The following CSMD1 variants were observed in gnomAD, a reference collection of about 807,000 sequenced individuals.
The protein encoded by CSMD1 is CUB and Sushi multiple domains 1, also known as CUB and sushi domain-containing protein 1.
In CSMD1, 213 loss-of-function variants were observed where a neutral mutation model predicts 417.5. The observed-to-expected ratio is 0.51, with a 90% CI of 0.46 to 0.57. CSMD1 has a LOEUF of 0.57. CSMD1 is among the 20% of genes least tolerant of loss of function. The pLI, the probability that CSMD1 is intolerant of heterozygous loss-of-function variation, is 0.00. For missense variants in CSMD1, 6,923 were observed against 4,529.7 expected, an observed-to-expected ratio of 1.53 and a Z score of -15.17; for synonymous variants, 2,862 against 1,736.8, an observed-to-expected ratio of 1.65 and a Z score of -16.11.
intron 11 of CSMD1, among the ~76,000 whole-genome samples, chr8:3,479,467 A>G (rs1335113680): frequency 1.3e-5 from 2 of 152,078 alleles, no homozygotes; most frequent in Admixed American, 6.6e-5. Flanking sequence ...TTTAGTACAT[A>G]TGGGGTTTCT....
intron 1 of CSMD1, among the ~76,000 whole-genome samples, chr8:4,928,456 A>G (rs758345524): frequency 2.0e-5 from 3 of 152,174 alleles, no homozygotes; most frequent in African/African-American, 7.2e-5. Context: ...CAAGTGCACC[A>G]TAGGGGCTCA....
At chr8:3,624,928 C>A (rs778562945) in intron 7 of CSMD1, among the ~76,000 whole-genome samples, 2 of 152,108 alleles carry the variant, frequency 1.3e-5, no homozygotes, top group African/African-American at 4.8e-5. Context: ...TCATGCCACA[C>A]CCTTCTTCAA....
rs566611702 is a variant in CSMD1 at position 3,158,948 on chromosome 8, G to C, written c.5845-982C>G. Among the ~76,000 whole-genome samples the C allele has an allele frequency of 2.6e-4, 40 of 152,114 alleles. No individual in the cohort carries two copies. The South Asian group carries it at 4.8e-3, about 18-fold the overall frequency. On this transcript the variant is annotated intron_variant, in intron 38 of 69. Coordinates refer to ENST00000635120, the MANE Select transcript of CSMD1 (RefSeq NM_033225.6). Reference sequence around the variant, plus strand: ...TATCAATGGCAAACCGATTCCCTAAGCTCTCAAACATTTCATACTCAATCC... The same window carrying C: ...TATCAATGGCAAACCGATTCCCTAACCTCTCAAACATTTCATACTCAATCC...
At chr8:3,191,607 G>A (rs1585610072) in intron 33 of CSMD1, among the ~76,000 whole-genome samples, 1 of 152,164 alleles carries the variant, frequency 6.6e-6, no homozygotes, top group African/African-American at 2.4e-5. Context: ...GCTTTGGATA[G>A]TGGGTACTGA....
chr8:4,901,525 T>C (rs1391757142), intron 1 of CSMD1, among the ~76,000 whole-genome samples: 1 of 151,596 alleles, frequency 6.6e-6, no homozygotes, highest in Non-Finnish European at 1.5e-5. Context: ...ATTACCTCTG[T>C]AAGAATTCAT....
chr8:4,451,250 G>C (rs909817398), intron 2 of CSMD1, among the ~76,000 whole-genome samples: 10 of 152,124 alleles, frequency 6.6e-5, no homozygotes, highest in African/African-American at 2.4e-4. Context: ...AAGATGGCTT[G>C]AGCCCAGGAG....
At chr8:3,945,912 G>C (rs551090998) in intron 5 of CSMD1, among the ~76,000 whole-genome samples, 1 of 152,082 alleles carries the variant, frequency 6.6e-6, no homozygotes, top group Non-Finnish European at 1.5e-5. Context: ...CACTCAAGAC[G>C]TGGCTCCAAC....
At chr8:4,528,770 A>G (rs994286276) in intron 2 of CSMD1, among the ~76,000 whole-genome samples, 2 of 132,150 alleles carry the variant, frequency 1.5e-5, no homozygotes, top group African/African-American at 6.0e-5. Context: ...ATTTTCACAT[A>G]AGAGCTCACT....
chr8:4,383,043 T>C (rs1049508347), intron 3 of CSMD1, among the ~76,000 whole-genome samples: 10 of 152,174 alleles, frequency 6.6e-5, no homozygotes, highest in African/African-American at 2.4e-4. Flanking sequence ...CTGGTCTCTG[T>C]CAGCATTAGG....
chr8:4,157,947 C>A (rs951963554), intron 3 of CSMD1, among the ~76,000 whole-genome samples: 1 of 152,176 alleles, frequency 6.6e-6, no homozygotes, highest in Non-Finnish European at 1.5e-5. Context: ...AGGTTCAGAA[C>A]ATCTTTTAGC....
chr8:4,326,899 T>G (rs550844866), intron 3 of CSMD1, among the ~76,000 whole-genome samples: 1 of 152,062 alleles, frequency 6.6e-6, no homozygotes, highest in Admixed American at 6.6e-5. Flanking sequence ...AGACCATGTA[T>G]AGGAGGAAAA....
chr8:4,100,686 C>G (rs192417996), intron 3 of CSMD1, among the ~76,000 whole-genome samples: 2 of 152,230 alleles, frequency 1.3e-5, no homozygotes, highest in East Asian at 1.9e-4. Context: ...GCCATTCATA[C>G]TGGGAGACTC....
chr8:4,169,744 C>T (rs1622459), intron 3 of CSMD1, among the ~76,000 whole-genome samples: 1 of 151,888 alleles, frequency 6.6e-6, no homozygotes, highest in Admixed American at 6.6e-5. Context: ...GAGGTTCAAA[C>T]GCCCCCTTGA....
rs1470298101 is a variant in CSMD1, at chr8:4,994,350, G to A, written c.67C>T (p.Leu23Phe). ...GTCTTACCCTTCGCTGCAGTGAGGAGCCTCGCGCACAGCACCAGCAGCCCG... is the reference window on the plus strand; with the variant it reads ...GTCTTACCCTTCGCTGCAGTGAGGAACCTCGCGCACAGCACCAGCAGCCCG... ...LLGLLVLCAR[L>F]LTAAKGQNCG... The change falls in exon 1 of 70, where the codon CTC becomes TTC. Residue 23 changes from leucine (L) to phenylalanine (F), a missense_variant. Leu to Phe is a conservative substitution (Grantham distance 22, BLOSUM62 0). Transcript: ENST00000635120. The A allele has an allele frequency of 2.5e-6, 4 of 1,611,250 alleles. No homozygotes were observed. The South Asian group carries it at 3.3e-5, about 13-fold the overall frequency.
In CSMD1 at chr8:4,593,847, G is replaced by A. The variant is rs757406141; in HGVS notation, c.302+43495C>T. On this transcript the variant is annotated intron_variant, in intron 2 of 69. Coordinates refer to ENST00000635120, the MANE Select transcript of CSMD1 (RefSeq NM_033225.6). ...GAGAATGGAGCAGTTTGCTAAGATTGCCTGTAACAAAATACCACAAACAGA... is the reference window on the plus strand; with the variant it reads ...GAGAATGGAGCAGTTTGCTAAGATTACCTGTAACAAAATACCACAAACAGA... Among the ~76,000 whole-genome samples the A allele has an allele frequency of 3.9e-5, 6 of 152,244 alleles. No homozygotes were observed. In the East Asian group the frequency reaches 9.7e-4, roughly 25 times the overall value.
chr8:4,259,188 G>A (rs1585113991), intron 3 of CSMD1, among the ~76,000 whole-genome samples: 1 of 152,284 alleles, frequency 6.6e-6, no homozygotes, highest in East Asian at 1.9e-4. Context: ...CACTCTAGAA[G>A]TCACTTTCCA....
chr8:4,536,830 T>A (rs545130210), intron 2 of CSMD1, among the ~76,000 whole-genome samples: 36 of 152,326 alleles, frequency 2.4e-4, no homozygotes, highest in Non-Finnish European at 3.4e-4. Context: ...AAATTTCCTT[T>A]CACAAGGGGT....
At chr8:4,623,147 G>C (rs891021984) in intron 2 of CSMD1, among the ~76,000 whole-genome samples, 25 of 152,044 alleles carry the variant, frequency 1.6e-4, no homozygotes, top group Admixed American at 1.1e-3. Context: ...ATAACTCAAA[G>C]GGAAGACAAA....
chr8:3,502,705 G>A (rs1037361994), intron 10 of CSMD1, among the ~76,000 whole-genome samples: 2 of 152,228 alleles, frequency 1.3e-5, no homozygotes, highest in Non-Finnish European at 2.9e-5. Context: ...TTAGGGGTTA[G>A]AAGAGGGAGG....
Sources: allele counts gnomAD v4.1 joint callset (sites outside exome capture counted in the v4.1 genomes callset), GRCh38; gene constraint gnomAD v4.1.1; transcripts MANE v1.5; gene names NCBI Gene and HGNC (gene_info 2026-07-23, HGNC 2026-07-21).